Variants in MACROD2 observed in about 807,000 individuals in gnomAD.
MACROD2 encodes the protein mono-ADP ribosylhydrolase 2.
MACROD2 carries 36 observed loss-of-function variants against 70.4 expected under a neutral mutation model. The observed-to-expected ratio is 0.51, with a 90% CI of 0.39 to 0.68. The LOEUF (loss-of-function observed/expected upper bound fraction) is 0.68. Among genes scored for constraint, MACROD2 ranks in the 30% least tolerant of loss-of-function variants. The pLI is 0.00. For missense variants in MACROD2, 496 were observed against 538.4 expected, an observed-to-expected ratio of 0.92 and a Z score of 0.78; for synonymous variants, 172 against 178.8, an observed-to-expected ratio of 0.96 and a Z score of 0.30.
chr20:15,964,435 T>C (rs74615568), intron 12 of MACROD2, among the ~76,000 whole-genome samples: 1 of 152,228 alleles, frequency 6.6e-6, no homozygotes, highest in Admixed American at 6.5e-5. Context: ...CCTTTTTAAA[T>C]CTTTTTATAA....
chr20:15,178,361 T>A (rs1046441668), intron 5 of MACROD2, among the ~76,000 whole-genome samples: 1 of 152,248 alleles, frequency 6.6e-6, no homozygotes, highest in African/African-American at 2.4e-5. Context: ...CTTATGGGCA[T>A]CCTTCTTCAA....
intron 5 of MACROD2, among the ~76,000 whole-genome samples, chr20:15,079,622 G>T (rs1280207932): frequency 6.6e-6 from 1 of 151,932 alleles, no homozygotes. Flanking sequence ...GAGTTCACAA[G>T]CCACTGTGAT....
intron 8 of MACROD2, among the ~76,000 whole-genome samples, chr20:15,555,850 AAAAAGG>A (rs1379585247): frequency 6.1e-5 from 9 of 146,922 alleles, no homozygotes; most frequent in East Asian, 3.9e-4. Context: ...AAAAAAAAAA[AAAAAGG>A]AAAAGAAAAG....
At chr20:14,080,704 C>G (rs535212187) in intron 2 of MACROD2, among the ~76,000 whole-genome samples, 1 of 151,622 alleles carries the variant, frequency 6.6e-6, no homozygotes, top group Non-Finnish European at 1.5e-5. Flanking sequence ...TTTAGCTTTC[C>G]GTTGTCAACC....
chr20:15,621,031 G>A (rs1200044940), intron 8 of MACROD2, among the ~76,000 whole-genome samples: 2 of 152,144 alleles, frequency 1.3e-5, no homozygotes, highest in Non-Finnish European at 2.9e-5. Context: ...GAGAGGCAGT[G>A]AACATCATCT....
chr20:15,235,304 G>T (rs1339511549), intron 6 of MACROD2, among the ~76,000 whole-genome samples: 2 of 152,192 alleles, frequency 1.3e-5, no homozygotes, highest in Admixed American at 6.5e-5. Flanking sequence ...ACTAAAACTT[G>T]TATGTTTGTT....
chr20:14,282,568 C>A (rs2082314657), intron 3 of MACROD2, among the ~76,000 whole-genome samples: 1 of 152,092 alleles, frequency 6.6e-6, no homozygotes, highest in South Asian at 2.1e-4. Context: ...TTGTATTCGG[C>A]CATTCTTGGA....
intron 5 of MACROD2, among the ~76,000 whole-genome samples, chr20:14,789,468 T>TTTTC (rs1237343859): frequency 8.9e-6 from 1 of 112,088 alleles, no homozygotes; most frequent in East Asian, 2.4e-4. Flanking sequence ...AAATTTTTTT[T>TTTTC]TTTTTTTTTT....
intron 5 of MACROD2, among the ~76,000 whole-genome samples, chr20:15,178,639 T>A (rs1420397648): frequency 1.3e-5 from 2 of 152,218 alleles, no homozygotes. Flanking sequence ...TTGCTCAACC[T>A]GCACCAATCT....
chr20:14,791,329 G>A (rs566952682), intron 5 of MACROD2, among the ~76,000 whole-genome samples: 2 of 152,170 alleles, frequency 1.3e-5, no homozygotes, highest in South Asian at 2.1e-4. Flanking sequence ...AGAGTGCTTC[G>A]TGGTTTAGGA....
At chr20:15,708,329 T>C (rs2050568276) in intron 8 of MACROD2, among the ~76,000 whole-genome samples, 1 of 151,794 alleles carries the variant, frequency 6.6e-6, no homozygotes, top group East Asian at 1.9e-4. Context: ...GAAGAAAAAT[T>C]TGGGTAAGGA....
chr20:15,301,591 C>CTTT (rs71340214), intron 6 of MACROD2, among the ~76,000 whole-genome samples: 1,913 of 81,178 alleles, frequency 0.024, 102 homozygotes, highest in African/African-American at 0.042. Flanking sequence ...GGTAGGTGGC[C>CTTT]TTTTTTTTTT....
chr20:15,209,045 G>A (rs2076736837), intron 5 of MACROD2, among the ~76,000 whole-genome samples: 1 of 152,084 alleles, frequency 6.6e-6, no homozygotes, highest in Non-Finnish European at 1.5e-5. Context: ...GGTTGGAATA[G>A]GATAGTTTTT....
chr20:15,599,593 A>G (rs2048791842), intron 8 of MACROD2, among the ~76,000 whole-genome samples: 1 of 152,196 alleles, frequency 6.6e-6, no homozygotes. Flanking sequence ...AATTGATAAT[A>G]ATAAACTCCT....
At chr20:15,689,806 G>C (rs796873712) in intron 8 of MACROD2, among the ~76,000 whole-genome samples, 6 of 152,272 alleles carry the variant, frequency 3.9e-5, no homozygotes, top group African/African-American at 1.4e-4. Flanking sequence ...ACTCTCTAAT[G>C]GTTGGTGACG....
intron 15 of MACROD2, among the ~76,000 whole-genome samples, chr20:16,020,948 A>G (rs2066993258): frequency 6.6e-6 from 1 of 152,216 alleles, no homozygotes; most frequent in African/African-American, 2.4e-5. Context: ...GTGTAATCAA[A>G]TTACATTGTT....
Position 14,662,029 on chromosome 20 carries a change from G to A in MACROD2, c.302-22814G>A, listed in dbSNP as rs370149813. Among the ~76,000 whole-genome samples the A allele has an allele frequency of 4.5e-4, 69 of 152,144 alleles. 2 individuals are homozygous for A. The South Asian group carries it at 0.014, about 32-fold the overall frequency. On this transcript the variant is annotated intron_variant, in intron 4 of 17. Coordinates refer to ENST00000684519, the MANE Select transcript of MACROD2 (RefSeq NM_001351661.2). ...CTTCCATAAATCATTAAACTCCATA[G>A]CAAACTTAAGTACATTTTAGTTGGA...
chr20:14,774,719 A>G (rs1199034143), intron 5 of MACROD2, among the ~76,000 whole-genome samples: 1 of 152,122 alleles, frequency 6.6e-6, no homozygotes, highest in African/African-American at 2.4e-5. Flanking sequence ...TGTTCTATAA[A>G]TGAGTAAGAT....
chr20:14,262,696 A>G (rs899473438), intron 3 of MACROD2, among the ~76,000 whole-genome samples: 3 of 152,196 alleles, frequency 2.0e-5, no homozygotes, highest in African/African-American at 4.8e-5. Flanking sequence ...GAGTGGTGTC[A>G]TGGAGGCTAG....
Sources: allele counts gnomAD v4.1 joint callset (sites outside exome capture counted in the v4.1 genomes callset), GRCh38; gene constraint gnomAD v4.1.1; transcripts MANE v1.5; gene names NCBI Gene and HGNC (gene_info 2026-07-23, HGNC 2026-07-21).